Variants in SNX29 observed in about 807,000 individuals in gnomAD.
The protein encoded by SNX29 is sorting nexin 29, also known as sorting nexin-29.
SNX29 carries 78 observed loss-of-function variants against 102.1 expected under a neutral mutation model. The observed-to-expected ratio is 0.76, with a 90% CI of 0.64 to 0.92. The LOEUF is 0.92. SNX29 is among the 40% of genes least tolerant of loss of function. SNX29 has a pLI of 0.00. For synonymous variants in SNX29, 580 were observed against 414.5 expected (o/e 1.40, Z -4.85); for missense variants, 1,280 against 1,061.7 (o/e 1.21, Z -2.86).
At chr16:12,374,671 C>T (rs980520360) in intron 16 of SNX29, 2 of 152,216 alleles carry the variant, frequency 1.3e-5, no homozygotes, top group African/African-American at 4.8e-5. Flanking sequence ...TGCCGTCGGC[C>T]ACTGGGAAGT....
intron 20 of SNX29, among the ~76,000 whole-genome samples, chr16:12,543,482 C>A (rs2077438301): frequency 6.6e-6 from 1 of 152,200 alleles, no homozygotes; most frequent in Non-Finnish European, 1.5e-5. Context: ...GTCAGTAAAG[C>A]CACAGCCACC....
intron 8 of SNX29, among the ~76,000 whole-genome samples, chr16:12,055,768 C>G (rs1371631769): frequency 2.0e-5 from 3 of 152,200 alleles, no homozygotes; most frequent in Non-Finnish European, 4.4e-5. Flanking sequence ...CACCCAGAAT[C>G]TACTGATTTA....
intron 11 of SNX29, chr16:12,093,547 T>G (rs1266581832): frequency 6.6e-6 from 1 of 152,204 alleles, no homozygotes; most frequent in East Asian, 1.9e-4. Context: ...CCAGGAGTTG[T>G]AGGCTACTGT....
rs16959448 is a variant in SNX29 at position 12,392,111 on chromosome 16, T to C, written c.1900-6335T>C. On this transcript the variant is annotated intron_variant, in intron 16 of 20. Coordinates refer to ENST00000566228, the MANE Select transcript of SNX29 (RefSeq NM_032167.5). ...ACACGCTAATACTTCAAGAGGATAG[T>C]AGCTCACCTGACACTTTGTTTTGTG... 5.3e-3 allele frequency among the ~76,000 whole-genome samples: 804 copies of C among 152,338 alleles called. 11 individuals are homozygous for C. The highest frequency in any genetic ancestry group is 0.018 in the African/African-American group (762 of 41,572).
intron 11 of SNX29, among the ~76,000 whole-genome samples, chr16:12,105,252 G>C: frequency 9.5e-6 from 1 of 105,820 alleles, no homozygotes; most frequent in South Asian, 3.5e-4. Flanking sequence ...TTCCTTCATT[G>C]TCTCACTCTG....
In SNX29 at chr16:12,570,649, C is replaced by T. The variant is rs3826101; in HGVS notation, c.*2020C>T. On this transcript the variant is annotated 3_prime_UTR_variant, in exon 21 of 21. Coordinates refer to ENST00000566228, the MANE Select transcript of SNX29 (RefSeq NM_032167.5). ...ATAAAGGAACCTCCCCCATCTGTGA[C>T]ATTCCCTTGGGCCCAGGCTTATGAC... 0.24 allele frequency: 56,671 copies of T among 231,726 alleles called. 7,268 individuals are homozygous for T. The highest frequency in any genetic ancestry group is 0.43 in the East Asian group (7,096 of 16,358). The allele number at this position is 231,726 out of a possible 1,614,324, so 14.4% of individuals were successfully genotyped here.
At chr16:12,143,369 A>T (rs2054934634) in intron 13 of SNX29, among the ~76,000 whole-genome samples, 1 of 152,158 alleles carries the variant, frequency 6.6e-6, no homozygotes, top group Non-Finnish European at 1.5e-5. Context: ...TACTCTGAGC[A>T]GGAAGTGTCG....
At position 12,129,634 on chromosome 16, in the gene SNX29, C is replaced by T. The variant is rs2054366682; in HGVS notation, c.1471C>T (p.Leu491=). 1.2e-6 allele frequency: 2 copies of T among 1,609,870 alleles called. No homozygotes were observed. Among genetic ancestry groups the T allele is most frequent in the Non-Finnish European group, 1.7e-6 (2 of 1,178,786 alleles). Residue 491 remains leucine (L), a synonymous_variant, in exon 13 of 21, where the codon CTG becomes TTG. Transcript: ENST00000566228. ...KDELEEENRS[L]RNLLDGEMEH... ...GATGGGTCCCTCTCTTCCCAGATCA[C>T]TGCGAAACCTGCTCGACGGTGAGAT...
chr16:12,428,480 G>C (rs2085174547), intron 18 of SNX29, among the ~76,000 whole-genome samples: 1 of 152,110 alleles, frequency 6.6e-6, no homozygotes, highest in Admixed American at 6.5e-5. Flanking sequence ...AATAAAGTTA[G>C]AAAGAAGGAA....
intron 18 of SNX29, 150 bp from the exon 19 acceptor site, chr16:12,477,569 C>T (rs1166613703): frequency 1.0e-5 from 9 of 871,458 alleles, no homozygotes; most frequent in Non-Finnish European, 1.4e-5. Context: ...CTAATAAATC[C>T]CTGCTCTATG....
chr16:12,534,122 C>A (rs1357237188), intron 20 of SNX29, among the ~76,000 whole-genome samples: 2 of 152,210 alleles, frequency 1.3e-5, no homozygotes, highest in Non-Finnish European at 2.9e-5. Flanking sequence ...AGGTGCTAAC[C>A]AGGACAGCTC....
At chr16:12,110,668 C>T (rs1168435758) in intron 11 of SNX29, among the ~76,000 whole-genome samples, 1 of 152,144 alleles carries the variant, frequency 6.6e-6, no homozygotes, top group East Asian at 1.9e-4. Context: ...GTCAATGTCA[C>T]TTCACACAAT....
chr16:12,044,339 A>T (rs1190009127), intron 5 of SNX29, among the ~76,000 whole-genome samples: 7 of 152,044 alleles, frequency 4.6e-5, no homozygotes, highest in Non-Finnish European at 8.8e-5. Context: ...GTAATGTCTC[A>T]GATCTTCTGG....
intron 18 of SNX29, among the ~76,000 whole-genome samples, chr16:12,470,889 G>C (rs144497558): frequency 6.6e-6 from 1 of 152,190 alleles, no homozygotes; most frequent in Non-Finnish European, 1.5e-5. Context: ...AGGCATGGGC[G>C]AGGCACGACA....
At chr16:12,568,469 C>T (rs755829286) in intron 20 of SNX29, 37 bp from the exon 21 acceptor site, 6 of 1,605,386 alleles carry the variant, frequency 3.7e-6, no homozygotes, top group Non-Finnish European at 5.1e-6. Context: ...TGCTTTTCAT[C>T]CCCAGACTTA....
chr16:12,136,782 C>T (rs539544687), intron 13 of SNX29, among the ~76,000 whole-genome samples: 28 of 152,300 alleles, frequency 1.8e-4, no homozygotes, highest in Middle Eastern at 3.4e-3. Context: ...CTCTGTCACC[C>T]AGGCTAGAGT....
chr16:12,468,907 G>C (rs1288384247), intron 18 of SNX29, among the ~76,000 whole-genome samples: 1 of 152,202 alleles, frequency 6.6e-6, no homozygotes, highest in Non-Finnish European at 1.5e-5. Flanking sequence ...CTGGTCTTTG[G>C]GCACTTCCGG....
chr16:12,371,546 A>C (rs1343392218), intron 16 of SNX29, among the ~76,000 whole-genome samples: 1 of 152,188 alleles, frequency 6.6e-6, no homozygotes, highest in Non-Finnish European at 1.5e-5. Context: ...GGGCTCAAGC[A>C]ATCCTGCCTC....
At chr16:12,547,814 A>C (rs1379706881) in intron 20 of SNX29, among the ~76,000 whole-genome samples, 1 of 152,196 alleles carries the variant, frequency 6.6e-6, no homozygotes, top group Admixed American at 6.5e-5. Flanking sequence ...AATGCTCTGC[A>C]GGGACAGCCT....
Sources: allele counts gnomAD v4.1 joint callset (sites outside exome capture counted in the v4.1 genomes callset), GRCh38; gene constraint gnomAD v4.1.1; transcripts MANE v1.5; gene names NCBI Gene and HGNC (gene_info 2026-07-23, HGNC 2026-07-21).